KRT13: variants seen among roughly 807,000 people sequenced by gnomAD.
KRT13 encodes keratin 13, also known as keratin, type I cytoskeletal 13.
In KRT13, 27 loss-of-function variants were observed where a neutral mutation model predicts 40.6. The ratio of observed to expected loss-of-function variants is 0.67; its 90% confidence interval spans 0.49 to 0.92. The LOEUF is 0.92. KRT13 is among the 40% of genes least tolerant of loss of function. The pLI, the probability that KRT13 is intolerant of heterozygous loss-of-function variation, is 0.00. For missense variants in KRT13, 605 were observed against 611.5 expected (o/e 0.99, Z 0.11); for synonymous variants, 266 against 240.3 (o/e 1.11, Z -0.99).
intron 7 of KRT13, 177 bp from the exon 8 acceptor site, chr17:41,501,539 G>T: frequency 8.4e-7 from 1 of 1,188,142 alleles, no homozygotes; most frequent in Non-Finnish European, 1.2e-6. Flanking sequence ...GTGGGGCAGA[G>T]CCATCAGTTT....
In KRT13 at chr17:41,501,085, C is replaced by A. The variant is rs903; in HGVS notation, c.*171G>T. ...AGGTCAGAGAGGAGAGAGATCCGAC[C>A]GGAAGAGAAGAGCACAGAGGGCCCA... On this transcript the variant is annotated 3_prime_UTR_variant, in exon 8 of 8. Transcript: ENST00000246635. 364,303 of 571,240 alleles carry A rather than the reference C, an allele frequency of 0.64. 118,905 individuals are homozygous for A. The highest frequency in any genetic ancestry group is 0.87 in the African/African-American group (46,041 of 53,176). The allele number at this position is 571,240 out of a possible 1,614,324, so 35.4% of individuals were successfully genotyped here.
At chr17:41,501,688 C>T (rs1426866584) in intron 7 of KRT13, 31 bp downstream of exon 7, 1 of 1,567,662 alleles carries the variant, frequency 6.4e-7, no homozygotes, top group Non-Finnish European at 8.7e-7. Context: ...CTAACTCTGC[C>T]TCCCCCTACA....
intron 1 of KRT13, 32 bp downstream of exon 1, chr17:41,505,024 G>A (rs1447923410): frequency 1.2e-6 from 2 of 1,613,224 alleles, no homozygotes; most frequent in Admixed American, 3.3e-5. Flanking sequence ...TGCCCTTCAT[G>A]GAGGACCCCT....
In KRT13 at chr17:41,502,703, T is replaced by A; in HGVS notation, c.1007A>T (p.Gln336Leu). 6.2e-7 allele frequency: 1 copy of A among 1,614,152 alleles called. No individual in the cohort carries two copies. Among genetic ancestry groups the A allele is most frequent in the Non-Finnish European group, 8.5e-7 (1 of 1,180,052 alleles). ...CAGGCATACCATGCTCAGCTGGGACTGCAGCTCAATCTCCAGGCCTTGGAG... is the reference window on the plus strand; with the variant it reads ...CAGGCATACCATGCTCAGCTGGGACAGCAGCTCAATCTCCAGGCCTTGGAG... Reference protein sequence around the residue: ...RTLQGLEIELQSQLSMKAGLE... With the variant: ...RTLQGLEIELLSQLSMKAGLE... Residue 336 changes from glutamine to leucine, a missense_variant, in exon 5 of 8, where the codon CAG becomes CTG. Transcript: ENST00000246635.
chr17:41,502,277 C>G (rs2144502911), intron 6 of KRT13, 97 bp downstream of exon 6: 2 of 1,610,812 alleles, frequency 1.2e-6, no homozygotes, highest in Non-Finnish European at 1.7e-6. Flanking sequence ...GGGGTCTCCT[C>G]TCTGACATGA....
chr17:41,503,869 G>T, intron 1 of KRT13, 144 bp from the exon 2 acceptor site: 1 of 730,170 alleles, frequency 1.4e-6, no homozygotes, highest in South Asian at 1.5e-5. Context: ...AAAAGAAATT[G>T]GCAAAAATAA....
Position 41,501,226 on chromosome 17 carries a change from G to A in KRT13, c.*30C>T. 6.8e-7 allele frequency: 1 copy of A among 1,477,542 alleles called. No individual in the cohort carries two copies. The highest frequency in any genetic ancestry group is 2.5e-5 in the East Asian group (1 of 40,472). 91.5% of individuals were successfully genotyped at this position (1,477,542 alleles called of 1,614,324 possible). A position where few individuals can be genotyped will look rare whatever the true frequency, so the allele number is the denominator to read the frequency against. ...CCGGCTCTCTCCTCCTCTGGGTGCT[G>A]AAGACAGAGGGAGGGGACGCCAGGC... On this transcript the variant is annotated 3_prime_UTR_variant, in exon 8 of 8. Coordinates refer to ENST00000246635, the MANE Select transcript of KRT13 (RefSeq NM_153490.3).
In KRT13 at chr17:41,502,439, G is replaced by A. The variant is rs1172024510; in HGVS notation, c.1179C>T (p.Asp393=). ...CQNQEYKMLL[D]IKTRLEQEIA... is the part of the protein sequence containing the mutation. ...TCTCCTGCTCCAGACGTGTCTTGATGTCCAGCAGCATCTTGTACTCTTGGT... is the reference window on the plus strand; with the variant it reads ...TCTCCTGCTCCAGACGTGTCTTGATATCCAGCAGCATCTTGTACTCTTGGT... Residue 393 remains aspartate (D), a synonymous_variant, in exon 6 of 8, where the codon GAC becomes GAT. Transcript: ENST00000246635. 19 of 1,614,240 alleles carry A rather than the reference G, an allele frequency of 1.2e-5. No individual in the cohort carries two copies. The highest frequency in any genetic ancestry group is 1.5e-5 in the Non-Finnish European group (18 of 1,180,056).
intron 1 of KRT13, among the ~76,000 whole-genome samples, chr17:41,504,738 G>T (rs1904999328): frequency 1.3e-5 from 2 of 152,198 alleles, no homozygotes; most frequent in Admixed American, 6.5e-5. Context: ...TTTTAAACCT[G>T]TCATGTTTCC....
rs780601116 is a variant in KRT13, at chr17:41,501,278, G to A, written c.1355C>T (p.Thr452Ile). The A allele has an allele frequency of 6.4e-7, 1 of 1,569,432 alleles. No homozygotes were observed. Among genetic ancestry groups the A allele is most frequent in the Non-Finnish European group, 8.6e-7 (1 of 1,156,630 alleles). ...GATTTAAGGCCTACGGACATCAGAAGTGCGGCGACCAGAGGCATTAGAGGT... is the reference window on the plus strand; with the variant it reads ...GATTTAAGGCCTACGGACATCAGAAATGCGGCGACCAGAGGCATTAGAGGT... ...TTTSNASGRR[T>I]SDVRRP The change falls in exon 8 of 8, where the codon ACT (threonine) becomes ATT (isoleucine). Residue 452 changes from threonine (T) to isoleucine (I), a missense_variant. By Grantham distance (89) the Thr-to-Ile change is moderately conservative (BLOSUM62 -1). Coordinates refer to ENST00000246635, the MANE Select transcript of KRT13 (RefSeq NM_153490.3).
Position 41,505,596 on chromosome 17 carries a change from C to G in KRT13, c.-46G>C, listed in dbSNP as rs1017765282. 1 of 1,612,042 alleles carries G rather than the reference C, an allele frequency of 6.2e-7. No homozygotes were observed. The highest frequency in any genetic ancestry group is 1.7e-5 in the Admixed American group (1 of 60,024). ...CAGGTGCAGATAGAAGCTTGCTTGGCCTGGGCCGAGGACTGTGGCTCTTCC... is the reference window on the plus strand; with the variant it reads ...CAGGTGCAGATAGAAGCTTGCTTGGGCTGGGCCGAGGACTGTGGCTCTTCC... On this transcript the variant is annotated 5_prime_UTR_variant, in exon 1 of 8. Transcript: ENST00000246635.
Position 41,502,445 on chromosome 17 carries a change from C to A in KRT13, c.1173G>T (p.Leu391=). 6.2e-7 allele frequency: 1 copy of A among 1,614,236 alleles called. No individual in the cohort carries two copies. Among genetic ancestry groups the A allele is most frequent in the Non-Finnish European group, 8.5e-7 (1 of 1,180,046 alleles). The change falls in exon 6 of 8, where the codon CTG becomes CTT. Residue 391 remains leucine, a synonymous_variant. Coordinates refer to ENST00000246635, the MANE Select transcript of KRT13 (RefSeq NM_153490.3). ...MECQNQEYKM[L]LDIKTRLEQE... is the part of the protein sequence containing the mutation. The stretch of plus-strand genomic sequence containing the variant: ...GCTCCAGACGTGTCTTGATGTCCAG[C>A]AGCATCTTGTACTCTTGGTTCTGGC...
At position 41,503,301 on chromosome 17, in the gene KRT13, T is replaced by C. The variant is rs767150938; in HGVS notation, c.721A>G (p.Lys241Glu). Residue 241 changes from lysine to glutamate, a missense_variant, in exon 3 of 8, where the codon AAG becomes GAG. Coordinates refer to ENST00000246635, the MANE Select transcript of KRT13 (RefSeq NM_153490.3). Reference sequence around the variant, plus strand: ...TTCCCGCTCACCTCTTCATGGTTCTTCTTCATGTAGGCTAGCTCTTCATTC... The same window carrying C: ...TTCCCGCTCACCTCTTCATGGTTCTCCTTCATGTAGGCTAGCTCTTCATTC... ...SLNEELAYMK[K>E]NHEEEMKEFS... The C allele has an allele frequency of 6.2e-7, 1 of 1,614,206 alleles. No homozygotes were observed. The highest frequency in any genetic ancestry group is 1.7e-4 in the Middle Eastern group (1 of 6,056).
intron 7 of KRT13, 41 bp from the exon 8 acceptor site, chr17:41,501,403 C>T (rs1174067102): frequency 6.7e-7 from 1 of 1,487,302 alleles, no homozygotes; most frequent in Non-Finnish European, 9.2e-7. Flanking sequence ...CTGGAGAAGA[C>T]CCACCTCAGG....
At chr17:41,503,483 A>G in intron 2 of KRT13, 40 bp from the exon 3 acceptor site, 1 of 1,609,636 alleles carries the variant, frequency 6.2e-7, no homozygotes, top group African/African-American at 1.3e-5. Flanking sequence ...TGAAAAAGCA[A>G]GACATAAATG....
rs766875731 is a variant in KRT13 at position 41,501,703 on chromosome 17, G to A, written c.1270+16C>T. 33 of 1,578,058 alleles carry A rather than the reference G, an allele frequency of 2.1e-5. No individual in the cohort carries two copies. The highest frequency in any genetic ancestry group is 5.5e-5 in the Admixed American group (3 of 54,776). On this transcript the variant is annotated intron_variant, in intron 7 of 7. Transcript: ENST00000246635. ...CTAACTCTGCCTCCCCCTACACCACGGGGCTGTTCCCTTACCTGCTGAGGA... is the reference window on the plus strand; with the variant it reads ...CTAACTCTGCCTCCCCCTACACCACAGGGCTGTTCCCTTACCTGCTGAGGA...
chr17:41,502,913 A>G (rs772857124), intron 4 of KRT13, 24 bp downstream of exon 4: 1 of 1,604,028 alleles, frequency 6.2e-7, no homozygotes, highest in Admixed American at 1.7e-5. Flanking sequence ...GGGATGGGCT[A>G]TGTGGGGTGG....
At chr17:41,503,848 C>T (rs1415872031) in intron 1 of KRT13, 123 bp from the exon 2 acceptor site, 1 of 752,118 alleles carries the variant, frequency 1.3e-6, no homozygotes, top group Non-Finnish European at 2.4e-6. Flanking sequence ...CTAACGATAG[C>T]TGATGGGCTA....
intron 1 of KRT13, chr17:41,504,332 A>C (rs1346892461): frequency 6.3e-6 from 1 of 158,116 alleles, no homozygotes; most frequent in Non-Finnish European, 1.4e-5. Context: ...GTCAGGAGGG[A>C]CTCGGCTTGG....
Sources: gnomAD v4.1 joint callset for allele counts (sites outside exome capture counted in the v4.1 genomes callset) on GRCh38, gnomAD v4.1.1 for gene constraint, MANE v1.5 for transcripts, NCBI Gene and HGNC (gene_info 2026-07-23, HGNC 2026-07-21) for gene names.